Variants in DNER observed in about 807,000 individuals in gnomAD.
DNER encodes delta and Notch-like epidermal growth factor-related receptor.
DNER carries 33 observed loss-of-function variants against 78.2 expected under a neutral mutation model. The ratio of observed to expected loss-of-function variants is 0.42; its 90% CI spans 0.32 to 0.56. The LOEUF is 0.56. DNER is among the 20% of genes least tolerant of loss of function. DNER has a pLI of 0.11. For missense variants in DNER, 918 were observed against 975.3 expected (o/e 0.94, Z 0.78); for synonymous variants, 417 against 384.8 (o/e 1.08, Z -0.98).
chr2:229,396,304 G>A (rs940287898), intron 10 of DNER, among the ~76,000 whole-genome samples: 1 of 152,018 alleles, frequency 6.6e-6, no homozygotes, highest in Admixed American at 6.6e-5. Context: ...TAGTTTACAC[G>A]ACTTTAGTAA....
intron 10 of DNER, 57 bp downstream of exon 10, chr2:229,407,175 C>A: frequency 6.6e-7 from 1 of 1,505,454 alleles, no homozygotes; most frequent in South Asian, 1.2e-5. Context: ...TTTTTAACAT[C>A]TGCAATCTCG....
intron 4 of DNER, among the ~76,000 whole-genome samples, chr2:229,566,725 T>C (rs955707979): frequency 2.6e-5 from 4 of 152,168 alleles, no homozygotes; most frequent in African/African-American, 7.2e-5. Flanking sequence ...CATAATTGCC[T>C]AAAGAGTTTA....
At chr2:229,432,144 G>A (rs1366879443) in intron 8 of DNER, among the ~76,000 whole-genome samples, 1 of 152,158 alleles carries the variant, frequency 6.6e-6, no homozygotes, top group African/African-American at 2.4e-5. Context: ...TGTGCTATGT[G>A]TGTTTACATA....
intron 11 of DNER, among the ~76,000 whole-genome samples, chr2:229,382,747 T>C (rs1038676126): frequency 5.9e-5 from 9 of 151,968 alleles, no homozygotes; most frequent in African/African-American, 9.7e-5. Context: ...GAACAACGCC[T>C]CCAAAAAATA....
intron 3 of DNER, among the ~76,000 whole-genome samples, chr2:229,587,754 C>A (rs1697529292): frequency 6.6e-6 from 1 of 152,124 alleles, no homozygotes; most frequent in Non-Finnish European, 1.5e-5. Context: ...GCCCATACCC[C>A]ACCCCCAGCT....
chr2:229,468,608 A>G (rs1694855346), intron 7 of DNER, among the ~76,000 whole-genome samples: 1 of 152,110 alleles, frequency 6.6e-6, no homozygotes, highest in African/African-American at 2.4e-5. Context: ...TACCCGCCAA[A>G]TTATCTTTAA....
intron 1 of DNER, among the ~76,000 whole-genome samples, chr2:229,592,203 A>G (rs1697622497): frequency 6.6e-6 from 1 of 152,228 alleles, no homozygotes; most frequent in Admixed American, 6.5e-5. Context: ...AAAAATAGTT[A>G]AAACTCATTA....
At chr2:229,691,466 G>A (rs1016222510) in intron 1 of DNER, among the ~76,000 whole-genome samples, 3 of 151,966 alleles carry the variant, frequency 2.0e-5, no homozygotes, top group Non-Finnish European at 2.9e-5. Context: ...ATTTATCAGA[G>A]CTTCCCGTTC....
At chr2:229,441,998 G>A (rs1031236720) in intron 8 of DNER, among the ~76,000 whole-genome samples, 2 of 152,142 alleles carry the variant, frequency 1.3e-5, no homozygotes, top group Non-Finnish European at 2.9e-5. Context: ...AGATTATGAA[G>A]AGTAAAGCAA....
intron 1 of DNER, among the ~76,000 whole-genome samples, chr2:229,633,026 C>G (rs1350987295): frequency 6.6e-6 from 1 of 152,130 alleles, no homozygotes; most frequent in Admixed American, 6.5e-5. Flanking sequence ...CTCAACATTA[C>G]CTATGATGTT....
At chr2:229,586,440 C>A (rs1295774891) in intron 3 of DNER, among the ~76,000 whole-genome samples, 6 of 122,394 alleles carry the variant, frequency 4.9e-5, no homozygotes, top group South Asian at 3.1e-4. Context: ...ACCCACCCAC[C>A]CACACACACA....
At chr2:229,477,067 G>T in intron 7 of DNER, 73 bp downstream of exon 7, 1 of 1,257,428 alleles carries the variant, frequency 8.0e-7, no homozygotes, top group Non-Finnish European at 1.1e-6. Flanking sequence ...CAGAAACAAA[G>T]TATAAGGCTG....
intron 8 of DNER, among the ~76,000 whole-genome samples, chr2:229,440,687 C>T (rs1694215038): frequency 6.6e-6 from 1 of 152,372 alleles, no homozygotes; most frequent in East Asian, 1.9e-4. Context: ...TTTACCGACA[C>T]ATCCATGTTG....
chr2:229,468,887 G>A (rs141592851), intron 7 of DNER, among the ~76,000 whole-genome samples: 3 of 152,084 alleles, frequency 2.0e-5, no homozygotes, highest in East Asian at 1.9e-4. Context: ...GAACTCTCCC[G>A]GAGTCTCTGG....
intron 4 of DNER, among the ~76,000 whole-genome samples, chr2:229,554,925 GA>G (rs1696826856): frequency 7.5e-5 from 5 of 66,432 alleles, no homozygotes; most frequent in East Asian, 4.0e-4. Context: ...GAGAAGAGAA[GA>G]GAAGAGAAGA....
intron 4 of DNER, among the ~76,000 whole-genome samples, chr2:229,566,862 A>G (rs530033844): frequency 7.6e-4 from 115 of 152,278 alleles, no homozygotes; most frequent in African/African-American, 2.5e-3. Flanking sequence ...TAAGATGCAT[A>G]TATTTTCACT....
In DNER at chr2:229,668,316, C is replaced by T. The variant is rs1351772645; in HGVS notation, c.276+45832G>A. Among the ~76,000 whole-genome samples the T allele has an allele frequency of 4.6e-5, 7 of 151,296 alleles. No individual in the cohort carries two copies. In the South Asian group the frequency reaches 6.3e-4, roughly 14 times the overall value. On this transcript the variant is annotated intron_variant, in intron 1 of 12. Coordinates refer to ENST00000341772, the MANE Select transcript of DNER (RefSeq NM_139072.4). Reference sequence around the variant, plus strand: ...TGCCTTTTATACCTGCTCAAAGGAACGATTATTGTCAGAGAAACTGTGTGT... The same window carrying T: ...TGCCTTTTATACCTGCTCAAAGGAATGATTATTGTCAGAGAAACTGTGTGT...
rs140696282 is a variant in DNER at position 229,573,650 on chromosome 2, T to A, written c.847+12208A>T. Among the ~76,000 whole-genome samples the A allele has an allele frequency of 3.3e-5, 5 of 152,198 alleles. No individual in the cohort carries two copies. The East Asian group carries it at 9.7e-4, about 29-fold the overall frequency. On this transcript the variant is annotated intron_variant, in intron 4 of 12. Transcript: ENST00000341772. The stretch of plus-strand genomic sequence containing the variant: ...AATATCTACCTTCAGGAGATTGTAG[T>A]GGAAAAGCAAAAGGATCACAGAGAA...
intron 7 of DNER, 65 bp downstream of exon 7, chr2:229,477,075 C>T (rs1695052250): frequency 7.6e-7 from 1 of 1,312,782 alleles, no homozygotes; most frequent in Non-Finnish European, 1.1e-6. Context: ...AAGTATAAGG[C>T]TGATCAAATT....
Sources: allele counts gnomAD v4.1 joint callset (sites outside exome capture counted in the v4.1 genomes callset), GRCh38; gene constraint gnomAD v4.1.1; transcripts MANE v1.5; gene names NCBI Gene and HGNC (gene_info 2026-07-23, HGNC 2026-07-21).